The following SRD5A1 variants were observed in gnomAD, a reference collection of about 807,000 sequenced individuals.
SRD5A1 encodes 3-oxo-5-alpha-steroid 4-dehydrogenase 1.
Under a neutral mutation model 28.2 loss-of-function variants are expected in SRD5A1, and 22 were observed. The observed-to-expected ratio is 0.78, with a 90% CI of 0.56 to 1.12. SRD5A1 has a LOEUF of 1.12. SRD5A1 is among the 50% of genes most tolerant of loss of function. The pLI is 0.00. For missense variants in SRD5A1, 300 were observed against 346.7 expected (o/e 0.87, Z 1.07); for synonymous variants, 151 against 135.0 (o/e 1.12, Z -0.82).
intron 3 of SRD5A1, 75 bp downstream of exon 3, chr5:6,656,254 T>G: frequency 8.8e-7 from 1 of 1,141,538 alleles, no homozygotes; most frequent in Non-Finnish European, 1.3e-6. Flanking sequence ...TTGCCAGCTC[T>G]AAGAAGTAGT....
intron 4 of SRD5A1, 35 bp downstream of exon 4, chr5:6,663,001 G>A (rs374954311): frequency 1.9e-6 from 3 of 1,606,636 alleles, no homozygotes; most frequent in Non-Finnish European, 1.7e-6. Context: ...TTTGTAATTT[G>A]TTCTTTGACT....
At chr5:6,664,903 G>T (rs1385751584) in intron 4 of SRD5A1, among the ~76,000 whole-genome samples, 1 of 152,266 alleles carries the variant, frequency 6.6e-6, no homozygotes, top group East Asian at 1.9e-4. Context: ...GCGGAAAGTT[G>T]AGTGAGTGCC....
In SRD5A1 at chr5:6,673,956, G is replaced by A. The variant is rs1739433975; in HGVS notation, c.*5688G>A. 4 of 152,046 alleles carry A rather than the reference G, an allele frequency of 2.6e-5. No individual in the cohort carries two copies. Among genetic ancestry groups the A allele is most frequent in the Non-Finnish European group, 5.9e-5 (4 of 68,016 alleles). The allele number at this position is 152,046 out of a possible 1,614,324, so 9.4% of individuals were successfully genotyped here. A position where few individuals can be genotyped will look rare whatever the true frequency, so the allele number is the denominator to read the frequency against. ...AAGAACAGAGTTTTGGATGAAGGGAGGGATGAACAGGCAGAATACAAACAA... is the reference window on the plus strand; with the variant it reads ...AAGAACAGAGTTTTGGATGAAGGGAAGGATGAACAGGCAGAATACAAACAA... On this transcript the variant is annotated 3_prime_UTR_variant, in exon 5 of 5. Coordinates refer to ENST00000274192, the MANE Select transcript of SRD5A1 (RefSeq NM_001047.4).
chr5:6,669,740 C>T lies in SRD5A1; in HGVS notation c.*1472C>T, dbSNP rs1401319816. The T allele has an allele frequency of 6.6e-6, 1 of 152,178 alleles. No homozygotes were observed. The highest frequency in any genetic ancestry group is 2.4e-5 in the African/African-American group (1 of 41,432). 9.4% of individuals were successfully genotyped at this position (152,178 alleles called of 1,614,324 possible). On this transcript the variant is annotated 3_prime_UTR_variant, in exon 5 of 5. Transcript: ENST00000274192. ...TGGCTTTTATGATTTTTAAAGTAGCCTTGAGAGCTTCCAGTTAAATCTGAT... is the reference window on the plus strand; with the variant it reads ...TGGCTTTTATGATTTTTAAAGTAGCTTTGAGAGCTTCCAGTTAAATCTGAT...
chr5:6,645,656 GTC>G (rs1306879931), intron 1 of SRD5A1, among the ~76,000 whole-genome samples: 167 of 147,128 alleles, frequency 1.1e-3, no homozygotes, highest in African/African-American at 4.1e-3. Flanking sequence ...AAAAAAAAAA[GTC>G]TGTAGCTTGA....
In SRD5A1 at chr5:6,654,471, T is replaced by C. The variant is rs1738779295; in HGVS notation, c.461-1607T>C. Among the ~76,000 whole-genome samples the C allele has an allele frequency of 2.6e-5, 4 of 152,186 alleles. No homozygotes were observed. In the South Asian group the frequency reaches 8.3e-4, roughly 32 times the overall value. On this transcript the variant is annotated intron_variant, in intron 2 of 4. Transcript: ENST00000274192. ...GTTTGTTTTTTCTTGAGGCAGCCTGTCATCCAGGCTGGAGTGCAGTGGCGT... is the reference window on the plus strand; with the variant it reads ...GTTTGTTTTTTCTTGAGGCAGCCTGCCATCCAGGCTGGAGTGCAGTGGCGT...
At position 6,668,435 on chromosome 5, in the gene SRD5A1, C is replaced by G. The variant is rs1428369281; in HGVS notation, c.*167C>G. Reference sequence around the variant, plus strand: ...ATTTTGCAATCTACCTAATAAGTACCTAAATACGCTGAAATGGAGGTTGAA... The same window carrying G: ...ATTTTGCAATCTACCTAATAAGTACGTAAATACGCTGAAATGGAGGTTGAA... On this transcript the variant is annotated 3_prime_UTR_variant, in exon 5 of 5. Transcript: ENST00000274192. 1 of 477,960 alleles carries G rather than the reference C, an allele frequency of 2.1e-6. No homozygotes were observed. The highest frequency in any genetic ancestry group is 3.8e-6 in the Non-Finnish European group (1 of 264,674). The allele number at this position is 477,960 out of a possible 1,614,324, so 29.6% of individuals were successfully genotyped here.
At chr5:6,654,427 G>T (rs1335639787) in intron 2 of SRD5A1, among the ~76,000 whole-genome samples, 1 of 137,720 alleles carries the variant, frequency 7.3e-6, no homozygotes, top group African/African-American at 2.8e-5. Flanking sequence ...AAGATTTTAA[G>T]TTTTTTTTTT....
chr5:6,639,046 T>A (rs948126461), intron 1 of SRD5A1, among the ~76,000 whole-genome samples: 7 of 152,258 alleles, frequency 4.6e-5, no homozygotes, highest in African/African-American at 1.7e-4. Flanking sequence ...TTATAGGTTG[T>A]CCTGAAAGAT....
rs1260793119 is a variant in SRD5A1, at chr5:6,673,164, T to C, written c.*4896T>C. On this transcript the variant is annotated 3_prime_UTR_variant, in exon 5 of 5. Coordinates refer to ENST00000274192, the MANE Select transcript of SRD5A1 (RefSeq NM_001047.4). Reference sequence around the variant, plus strand: ...AAAAGGAAATGATACTTGGCATTAGTATCATTCTCCATCACTCTTGAAAGA... The same window carrying C: ...AAAAGGAAATGATACTTGGCATTAGCATCATTCTCCATCACTCTTGAAAGA... The C allele has an allele frequency of 6.6e-6, 1 of 152,258 alleles. No individual in the cohort carries two copies. The highest frequency in any genetic ancestry group is 6.5e-5 in the Admixed American group (1 of 15,288). The allele number at this position is 152,258 out of a possible 1,614,324, so 9.4% of individuals were successfully genotyped here.
Position 6,633,588 on chromosome 5 carries a change from G to A in SRD5A1, c.12G>A (p.Ala4=). 6.6e-7 allele frequency: 1 copy of A among 1,519,200 alleles called. No individual in the cohort carries two copies. The highest frequency in any genetic ancestry group is 8.8e-7 in the Non-Finnish European group (1 of 1,140,984). The allele number at this position is 1,519,200 out of a possible 1,614,324, so 94.1% of individuals were successfully genotyped here. Residue 4 remains alanine (A), a synonymous_variant, in exon 1 of 5, where the codon GCG becomes GCA. Coordinates refer to ENST00000274192, the MANE Select transcript of SRD5A1 (RefSeq NM_001047.4). ...GCCCAGCCCTGGCGATGGCAACGGC[G>A]ACGGGGGTGGCGGAGGAGCGCCTGC... MAT[A]TGVAEERLLA...
intron 4 of SRD5A1, among the ~76,000 whole-genome samples, chr5:6,663,371 A>T (rs1030149327): frequency 2.6e-5 from 4 of 152,246 alleles, no homozygotes; most frequent in Non-Finnish European, 5.9e-5. Flanking sequence ...GCCCAGCGAC[A>T]CTGGCAGAAC....
In SRD5A1 at chr5:6,668,246, T is replaced by A; in HGVS notation, c.758T>A (p.Ile253Asn). The change falls in exon 5 of 5, where the codon ATT becomes AAT. Residue 253 changes from isoleucine (I) to asparagine (N), a missense_variant. By Grantham distance (149) the Ile-to-Asn change is moderately radical. Around this residue, in one of 2 missense-constraint regions of SRD5A1, gnomAD observed 126 missense variants for 185.7 expected, o/e 0.68. Transcript: ENST00000274192. The stretch of plus-strand genomic sequence containing the variant: ...GAAGAGTATCCAAAGTTCAGAAAAA[T>A]TATAATTCCATTTTTGTTTTAAGTG... Reference protein sequence around the residue: ...KFEEYPKFRKIIIPFLF With the variant: ...KFEEYPKFRKNIIPFLF 1 of 1,589,178 alleles carries A rather than the reference T, an allele frequency of 6.3e-7. No homozygotes were observed.
In SRD5A1 at chr5:6,633,785, A is replaced by G. The variant is rs772673251; in HGVS notation, c.209A>G (p.Gln70Arg). 28 of 1,597,600 alleles carry G rather than the reference A, an allele frequency of 1.8e-5. No homozygotes were observed. Among genetic ancestry groups the G allele is most frequent in the Non-Finnish European group, 2.1e-5 (25 of 1,179,624 alleles). ...ELPSLALPLY[Q>R]YASESAPRLR... ...CCCTCGCTGGCCCTGCCGCTCTACC[A>G]GTACGCCAGCGAGTCCGCCCCGCGT... Residue 70 changes from glutamine (Q) to arginine (R), a missense_variant, in exon 1 of 5, where the codon CAG becomes CGG. This residue lies in a region of SRD5A1 where 174 missense variants were observed against 160.9 expected (regional missense o/e 1.08). Transcript: ENST00000274192.
chr5:6,651,857 A>G lies in SRD5A1; in HGVS notation c.309A>G (p.Pro103=), dbSNP rs3822430. 574,318 of 1,606,288 alleles carry G rather than the reference A, an allele frequency of 0.36. 106,157 individuals carry two copies. Among genetic ancestry groups the G allele is most frequent in the Middle Eastern group, 0.38 (1,990 of 5,202 alleles). Residue 103 remains proline (P), a synonymous_variant, in exon 2 of 5, where the codon CCA becomes CCG. Coordinates refer to ENST00000274192, the MANE Select transcript of SRD5A1 (RefSeq NM_001047.4). ...GTTTCCTAAGGTGCTTAATTTACCC[A>G]TTTCTGATGCGAGGAGGAAAGCCTA... is the stretch of plus-strand genomic sequence containing the variant. ...VHYGHRCLIY[P]FLMRGGKPMP...
chr5:6,633,581 C>T lies in SRD5A1; in HGVS notation c.5C>T (p.Ala2Val), dbSNP rs1268528998. 5 of 1,517,564 alleles carry T rather than the reference C, an allele frequency of 3.3e-6. No homozygotes were observed. The South Asian group carries it at 4.9e-5, about 15-fold the overall frequency. 94.0% of individuals were successfully genotyped at this position (1,517,564 alleles called of 1,614,324 possible). MATATGVAEERL... is the reference protein window; with the variant it reads MVTATGVAEERL... ...GCACGCTGCCCAGCCCTGGCGATGG[C>T]AACGGCGACGGGGGTGGCGGAGGAG... Residue 2 changes from alanine to valine, a missense_variant, in exon 1 of 5, where the codon GCA becomes GTA. Coordinates refer to ENST00000274192, the MANE Select transcript of SRD5A1 (RefSeq NM_001047.4).
intron 1 of SRD5A1, among the ~76,000 whole-genome samples, chr5:6,644,050 T>A (rs1738438966): frequency 6.6e-6 from 1 of 152,212 alleles, no homozygotes; most frequent in Non-Finnish European, 1.5e-5. Flanking sequence ...TCGCTGGATG[T>A]GATTCTGATA....
intron 3 of SRD5A1, among the ~76,000 whole-genome samples, chr5:6,660,034 A>T (rs1197848476): frequency 6.6e-6 from 1 of 152,182 alleles, no homozygotes; most frequent in Non-Finnish European, 1.5e-5. Context: ...ATGGTGCCAT[A>T]ACTGGTTAGG....
At chr5:6,662,581 G>A (rs1038930616) in intron 3 of SRD5A1, among the ~76,000 whole-genome samples, 4 of 152,222 alleles carry the variant, frequency 2.6e-5, no homozygotes, top group Non-Finnish European at 5.9e-5. Flanking sequence ...GTAACTGTAT[G>A]TGTGTGTATT....
Sources: allele counts gnomAD v4.1 joint callset (sites outside exome capture counted in the v4.1 genomes callset), GRCh38; gene constraint gnomAD v4.1.1; regional missense constraint gnomAD v4.1.1; transcripts MANE v1.5; gene names NCBI Gene and HGNC (gene_info 2026-07-23, HGNC 2026-07-21).